The following SCAF11 variants were observed in gnomAD, a reference collection of about 807,000 sequenced individuals.
SCAF11 encodes the protein SR-related CTD associated factor 11.
A neutral mutation model predicts 140.5 loss-of-function variants in SCAF11; 47 were observed. The observed-to-expected ratio is 0.33, with a 90% CI of 0.26 to 0.43. SCAF11 has a LOEUF of 0.43. Ranked by LOEUF, SCAF11 falls within the 20% of genes least tolerant of loss-of-function variation. SCAF11 has a pLI of 1.00. For missense variants in SCAF11, 1,645 were observed against 1,705.1 expected, an observed-to-expected ratio of 0.96 and a Z score of 0.62; for synonymous variants, 557 against 579.4, an observed-to-expected ratio of 0.96 and a Z score of 0.55.
intron 12 of SCAF11, 130 bp downstream of exon 12, chr12:45,924,598 G>T: frequency 1.4e-6 from 1 of 728,692 alleles, no homozygotes; most frequent in Non-Finnish European, 2.2e-6. Flanking sequence ...GATTATGAAG[G>T]TTTACCATAA....
chr12:45,953,782 T>C (rs1282042164), intron 3 of SCAF11: 3 of 490,622 alleles, frequency 6.1e-6, no homozygotes, highest in East Asian at 7.0e-5. Flanking sequence ...ACAGTCTCTC[T>C]GTGCCTCAGT....
rs904678576 is a variant in SCAF11 at position 45,921,902 on chromosome 12, G to T, written c.*146C>A. On this transcript the variant is annotated 3_prime_UTR_variant, in exon 15 of 15. Coordinates refer to ENST00000369367, the MANE Select transcript of SCAF11 (RefSeq NM_004719.3). ...TGCAGTGCAGACCTATATTTATTTA[G>T]AACAAAACATCATATCCTATGTTAA... 1.1e-6 allele frequency: 1 copy of T among 949,900 alleles called. No individual in the cohort carries two copies. The highest frequency in any genetic ancestry group is 1.6e-6 in the Non-Finnish European group (1 of 639,668). 58.8% of individuals were successfully genotyped at this position (949,900 alleles called of 1,614,324 possible).
At chr12:45,934,138 A>G in intron 8 of SCAF11, 38 bp downstream of exon 8, 2 of 1,099,614 alleles carry the variant, frequency 1.8e-6, no homozygotes, top group Admixed American at 4.8e-5. Context: ...TTAAACATCA[A>G]GTATAAACAG....
intron 6 of SCAF11, among the ~76,000 whole-genome samples, chr12:45,938,142 T>C (rs1472360907): frequency 6.6e-6 from 1 of 152,224 alleles, no homozygotes; most frequent in Non-Finnish European, 1.5e-5. Flanking sequence ...ACTTATGTGC[T>C]GTCCCCCTCT....
chr12:45,958,759 T>C (rs1257187707), intron 3 of SCAF11, among the ~76,000 whole-genome samples: 1 of 152,188 alleles, frequency 6.6e-6, no homozygotes, highest in Non-Finnish European at 1.5e-5. Flanking sequence ...TTGCCCTAAG[T>C]AAAGAGGATT....
rs549520786 is a variant in SCAF11 at position 45,970,186 on chromosome 12, G to A, written c.-21-5998C>T. 5.7e-4 allele frequency among the ~76,000 whole-genome samples: 87 copies of A among 152,140 alleles called. 1 individual carries two copies. Among genetic ancestry groups the A allele is most frequent in the Non-Finnish European group, 9.3e-4 (63 of 67,982 alleles). On this transcript the variant is annotated intron_variant, in intron 1 of 14. Coordinates refer to ENST00000369367, the MANE Select transcript of SCAF11 (RefSeq NM_004719.3). ...TGGGATTACAGGCATGAGCCACCGCGCCCGGCCTCAACTAATTTTTTTATT... is the reference window on the plus strand; with the variant it reads ...TGGGATTACAGGCATGAGCCACCGCACCCGGCCTCAACTAATTTTTTTATT...
At chr12:45,930,436 TTG>T (rs1266057368) in intron 10 of SCAF11, among the ~76,000 whole-genome samples, 2 of 151,316 alleles carry the variant, frequency 1.3e-5, no homozygotes, top group Non-Finnish European at 2.9e-5. Context: ...AGGTTTTGCG[TTG>T]TGTTTTGTTT....
intron 3 of SCAF11, among the ~76,000 whole-genome samples, chr12:45,957,409 G>A (rs1945715559): frequency 6.6e-6 from 1 of 151,994 alleles, no homozygotes; most frequent in African/African-American, 2.4e-5. Context: ...TTGATTTTTT[G>A]GTATTTATTA....
Position 45,934,183 on chromosome 12 carries a change from C to G in SCAF11, c.625G>C (p.Ala209Pro). The G allele has an allele frequency of 1.3e-6, 2 of 1,533,172 alleles. No homozygotes were observed. The highest frequency in any genetic ancestry group is 1.8e-6 in the Non-Finnish European group (2 of 1,110,856). 95.0% of individuals were successfully genotyped at this position (1,533,172 alleles called of 1,614,324 possible). Residue 209 changes from alanine to proline, a missense_variant, in exon 8 of 15, where the codon GCT (alanine) becomes CCT (proline). Around this residue, in one of 2 missense-constraint regions of SCAF11, gnomAD observed 1,582 missense variants for 1,609.2 expected, o/e 0.98. Coordinates refer to ENST00000369367, the MANE Select transcript of SCAF11 (RefSeq NM_004719.3). ...HSGESSFTYRAYCTEFIEASE... is the reference protein window; with the variant it reads ...HSGESSFTYRPYCTEFIEASE... Reference sequence around the variant, plus strand: ...AAAGTAGAAAATACTAACCAATAAGCTCTATAGGTAAAGGAAGATTCTCCA... The same window carrying G: ...AAAGTAGAAAATACTAACCAATAAGGTCTATAGGTAAAGGAAGATTCTCCA...
chr12:45,966,023 T>C (rs576173562), intron 1 of SCAF11, among the ~76,000 whole-genome samples: 1 of 152,328 alleles, frequency 6.6e-6, no homozygotes, highest in South Asian at 2.1e-4. Flanking sequence ...AAAAGTTGGA[T>C]GAGGAATATT....
At position 45,928,500 on chromosome 12, in the gene SCAF11, A is replaced by G; in HGVS notation, c.1201T>C (p.Ser401Pro). The change falls in exon 11 of 15, where the codon TCT (serine) becomes CCT (proline). Residue 401 changes from serine to proline, a missense_variant. Physicochemically the swap from Ser to Pro is moderately conservative, Grantham distance 74. Around this residue, in one of 2 missense-constraint regions of SCAF11, gnomAD observed 1,582 missense variants for 1,609.2 expected, o/e 0.98. Coordinates refer to ENST00000369367, the MANE Select transcript of SCAF11 (RefSeq NM_004719.3). ...TCTTCATCTACTGAATCATTGGAAG[A>G]TGATTTTTCAGGGGCAGCTACAGAG... is the stretch of plus-strand genomic sequence containing the variant. ...RSSVAAPEKSSSNDSVDEETA... is the reference protein window; with the variant it reads ...RSSVAAPEKSPSNDSVDEETA... 1 of 1,613,646 alleles carries G rather than the reference A, an allele frequency of 6.2e-7. No individual in the cohort carries two copies. Among genetic ancestry groups the G allele is most frequent in the Non-Finnish European group, 8.5e-7 (1 of 1,179,848 alleles).
chr12:45,953,919 T>TAA, intron 3 of SCAF11: 1 of 934,508 alleles, frequency 1.1e-6, no homozygotes. Flanking sequence ...CTAGTTTTAG[T>TAA]AACAAAAAAA....
At chr12:45,956,141 T>A (rs1945687036) in intron 3 of SCAF11, 2 of 716,684 alleles carry the variant, frequency 2.8e-6, no homozygotes, top group Non-Finnish European at 5.2e-6. Context: ...AATTTCTCGC[T>A]TCCTCCTGCT....
intron 1 of SCAF11, among the ~76,000 whole-genome samples, chr12:45,985,268 T>C (rs1565696790): frequency 6.6e-6 from 1 of 152,230 alleles, no homozygotes; most frequent in Non-Finnish European, 1.5e-5. Context: ...TGACTCATTA[T>C]CATTACTTAC....
chr12:45,953,137 G>C (rs959795240), intron 3 of SCAF11, among the ~76,000 whole-genome samples: 4 of 152,180 alleles, frequency 2.6e-5, no homozygotes, highest in Non-Finnish European at 5.9e-5. Context: ...GTTCAGACTG[G>C]AAGAAGCCAG....
intron 10 of SCAF11, chr12:45,929,270 A>C (rs1043252153): frequency 2.0e-5 from 3 of 153,640 alleles, no homozygotes; most frequent in African/African-American, 7.3e-5. Context: ...CGATCCTCCC[A>C]CCTCAGCCTC....
intron 1 of SCAF11, among the ~76,000 whole-genome samples, chr12:45,984,146 C>A (rs1375882600): frequency 6.6e-6 from 1 of 151,964 alleles, no homozygotes; most frequent in African/African-American, 2.4e-5. Context: ...ATTCTTTTTA[C>A]CTTAATAAAA....
intron 1 of SCAF11, among the ~76,000 whole-genome samples, chr12:45,971,009 A>G (rs1315628144): frequency 1.3e-5 from 2 of 152,248 alleles, no homozygotes; most frequent in Non-Finnish European, 2.9e-5. Context: ...ATAAAGAATA[A>G]AACACTTTCA....
chr12:45,935,486 AAGTAAAAATGTGT>A (rs1945150663), intron 6 of SCAF11, among the ~76,000 whole-genome samples: 1 of 152,196 alleles, frequency 6.6e-6, no homozygotes, highest in African/African-American at 2.4e-5. Flanking sequence ...AAGAGGCAAG[AAGTAAAAATGTGT>A]GGTAGGTACA....
Sources: gnomAD v4.1 joint callset for allele counts (sites outside exome capture counted in the v4.1 genomes callset) on GRCh38, gnomAD v4.1.1 for gene constraint, gnomAD v4.1.1 regional missense constraint, MANE v1.5 for transcripts, NCBI Gene and HGNC (gene_info 2026-07-23, HGNC 2026-07-21) for gene names.